The following CEP192 variants were observed in gnomAD, a reference collection of about 807,000 sequenced individuals.
CEP192 encodes centrosomal protein of 192 kDa.
In CEP192, 151 loss-of-function variants were observed where a neutral mutation model predicts 271.8. That is an observed-to-expected ratio of 0.56 (90% CI 0.49 to 0.64). The LOEUF (loss-of-function observed/expected upper bound fraction) is 0.64, where lower values mean the gene tolerates loss of function less well. CEP192 is among the 30% of genes least tolerant of loss of function. The pLI is 0.00. For synonymous variants in CEP192, 995 were observed against 1,076.5 expected, an observed-to-expected ratio of 0.92 and a Z score of 1.48; for missense variants, 2,910 against 3,020.5, an observed-to-expected ratio of 0.96 and a Z score of 0.86.
chr18:13,029,622 T>G (rs1205960458), intron 9 of CEP192, 41 bp from the exon 10 acceptor site: 1 of 1,208,500 alleles, frequency 8.3e-7, no homozygotes, highest in Admixed American at 2.9e-5. Context: ...AAACAAGACT[T>G]ACTGTTGCTC....
At chr18:13,085,267 G>C (rs2038844300) in intron 30 of CEP192, among the ~76,000 whole-genome samples, 2 of 151,922 alleles carry the variant, frequency 1.3e-5, no homozygotes, top group African/African-American at 4.8e-5. Flanking sequence ...ATTTGTTCAA[G>C]TTCTTTGTAG....
At chr18:13,105,226 C>T (rs1446271493) in intron 40 of CEP192, 147 bp downstream of exon 40, 5 of 657,010 alleles carry the variant, frequency 7.6e-6, no homozygotes, top group African/African-American at 5.4e-5. Flanking sequence ...GCCTCACTTA[C>T]AATGCGCTGT....
intron 7 of CEP192, 127 bp from the exon 8 acceptor site, chr18:13,018,353 C>T (rs2034782362): frequency 3.7e-6 from 2 of 535,482 alleles, no homozygotes; most frequent in South Asian, 3.6e-5. Flanking sequence ...CTCGTGGTGA[C>T]AATGGCGATT....
chr18:13,053,973 C>T (rs2036946132), intron 18 of CEP192, among the ~76,000 whole-genome samples: 1 of 152,116 alleles, frequency 6.6e-6, no homozygotes, highest in Non-Finnish European at 1.5e-5. Flanking sequence ...ACTACAGGTG[C>T]CTACCACCAC....
At chr18:13,023,614 A>C (rs1311084353) in intron 9 of CEP192, among the ~76,000 whole-genome samples, 1 of 151,844 alleles carries the variant, frequency 6.6e-6, no homozygotes, top group Non-Finnish European at 1.5e-5. Flanking sequence ...TTTTTATATA[A>C]TATTTGATTT....
chr18:13,073,237 A>G (rs896756080), intron 30 of CEP192, 52 bp downstream of exon 30: 6 of 1,446,772 alleles, frequency 4.1e-6, no homozygotes, highest in Non-Finnish European at 5.7e-6. Flanking sequence ...GCCATTTTAT[A>G]ACTATTGGTT....
chr18:13,041,177 A>G (rs1380144626), intron 14 of CEP192, among the ~76,000 whole-genome samples: 5 of 152,204 alleles, frequency 3.3e-5, no homozygotes, highest in African/African-American at 1.2e-4. Context: ...TGTAAAAACC[A>G]CAGTAAATGA....
At chr18:13,074,491 T>G (rs1258567476) in intron 30 of CEP192, among the ~76,000 whole-genome samples, 3 of 152,202 alleles carry the variant, frequency 2.0e-5, no homozygotes, top group Admixed American at 1.3e-4. Flanking sequence ...TTTGTTTAGG[T>G]TTACTAGCCA....
rs527785449 is a variant in CEP192, at chr18:13,005,526, T to C, written c.291-2930T>C. 2.0e-5 allele frequency among the ~76,000 whole-genome samples: 3 copies of C among 152,348 alleles called. No homozygotes were observed. The South Asian group carries it at 6.2e-4, about 32-fold the overall frequency. ...TTGAGGGTATCCTCTTGACTCTTGC[T>C]GGAGGCCAGGAGCTCTGGAAACTGG... On this transcript the variant is annotated intron_variant, in intron 3 of 44. Coordinates refer to ENST00000506447, the MANE Select transcript of CEP192 (RefSeq NM_032142.4).
chr18:13,090,099 T>G (rs975977194), intron 33 of CEP192, among the ~76,000 whole-genome samples: 1 of 152,204 alleles, frequency 6.6e-6, no homozygotes, highest in African/African-American at 2.4e-5. Context: ...ACATTTCAAA[T>G]ATTTAACAAT....
At chr18:13,009,513 A>G (rs1308118570) in intron 4 of CEP192, among the ~76,000 whole-genome samples, 1 of 152,204 alleles carries the variant, frequency 6.6e-6, no homozygotes, top group Non-Finnish European at 1.5e-5. Context: ...AATGCATTGG[A>G]AATACTCAAG....
intron 26 of CEP192, 91 bp from the exon 27 acceptor site, chr18:13,069,646 TA>T (rs2144406409): frequency 2.7e-6 from 2 of 735,974 alleles, no homozygotes; most frequent in Non-Finnish European, 4.8e-6. Flanking sequence ...CCTGTCCTGG[TA>T]AATGAGAAAC....
intron 38 of CEP192, among the ~76,000 whole-genome samples, chr18:13,100,835 G>A (rs1307424515): frequency 6.6e-6 from 1 of 152,220 alleles, no homozygotes; most frequent in Non-Finnish European, 1.5e-5. Flanking sequence ...AGTGGGTGGA[G>A]CCTGGCTTCA....
intron 44 of CEP192, among the ~76,000 whole-genome samples, chr18:13,123,516 T>C (rs1262789655): frequency 6.6e-6 from 1 of 152,218 alleles, no homozygotes; most frequent in Non-Finnish European, 1.5e-5. Flanking sequence ...TCAGGACAGA[T>C]GCTGGAAACC....
At chr18:13,064,822 G>C (rs1433810586) in intron 21 of CEP192, among the ~76,000 whole-genome samples, 1 of 152,040 alleles carries the variant, frequency 6.6e-6, no homozygotes, top group African/African-American at 2.4e-5. Flanking sequence ...TAGGTCTTTT[G>C]TGGTTCCATG....
chr18:13,049,601 A>G lies in CEP192; in HGVS notation c.2810A>G (p.Asn937Ser). 6.2e-7 allele frequency: 1 copy of G among 1,614,010 alleles called. No individual in the cohort carries two copies. The highest frequency in any genetic ancestry group is 8.5e-7 in the Non-Finnish European group (1 of 1,180,008). Residue 937 changes from asparagine to serine, a missense_variant, in exon 16 of 45, where the codon AAT becomes AGT. By Grantham distance (46) the Asn-to-Ser change is conservative. Coordinates refer to ENST00000506447, the MANE Select transcript of CEP192 (RefSeq NM_032142.4). ...GATAACAGAGAAAATCAGAGGCAAAATGAGTGTGTCAGTGAAATAAGCAAC... is the reference window on the plus strand; with the variant it reads ...GATAACAGAGAAAATCAGAGGCAAAGTGAGTGTGTCAGTGAAATAAGCAAC... ...IRDNRENQRQ[N>S]ECVSEISNSE...
chr18:13,095,744 G>T, intron 35 of CEP192, 63 bp downstream of exon 35: 1 of 1,433,652 alleles, frequency 7.0e-7, no homozygotes, highest in South Asian at 1.3e-5. Context: ...CACTCCCATT[G>T]TGCCCATGGC....
chr18:13,029,432 C>T (rs2035489043), intron 9 of CEP192, among the ~76,000 whole-genome samples: 1 of 152,186 alleles, frequency 6.6e-6, no homozygotes, highest in South Asian at 2.1e-4. Flanking sequence ...ATGTAAATCT[C>T]TTGATGTGTT....
At chr18:13,018,233 A>AAT (rs2034774964) in intron 7 of CEP192, among the ~76,000 whole-genome samples, 1 of 152,156 alleles carries the variant, frequency 6.6e-6, no homozygotes, top group Non-Finnish European at 1.5e-5. Flanking sequence ...CTTCGTTATT[A>AAT]ATAAGTCATC....
Sources: allele counts gnomAD v4.1 joint callset (sites outside exome capture counted in the v4.1 genomes callset), GRCh38; gene constraint gnomAD v4.1.1; transcripts MANE v1.5; gene names NCBI Gene and HGNC (gene_info 2026-07-23, HGNC 2026-07-21).